PPARGC1A: variants seen among roughly 807,000 people sequenced by gnomAD.
PPARGC1A encodes the protein PPARG coactivator 1 alpha.
Under a neutral mutation model 88.7 loss-of-function variants are expected in PPARGC1A, and 25 were observed. That is an observed-to-expected ratio of 0.28 (90% CI 0.21 to 0.39). The LOEUF (loss-of-function observed/expected upper bound fraction) is 0.39, where lower values mean the gene tolerates loss of function less well. Among genes scored for constraint, PPARGC1A ranks in the 10% least tolerant of loss-of-function variants. The pLI, the probability that PPARGC1A is intolerant of heterozygous loss-of-function variation, is 1.00. For missense variants in PPARGC1A, 880 were observed against 968.7 expected, an observed-to-expected ratio of 0.91 and a Z score of 1.22; for synonymous variants, 363 against 355.6, an observed-to-expected ratio of 1.02 and a Z score of -0.24.
chr4:24,122,545 C>T, the PPARGC1A span, among the ~76,000 whole-genome samples: 1 of 151,892 alleles, frequency 6.6e-6, no homozygotes, highest in Non-Finnish European at 1.5e-5. Context: ...CATCATTCAG[C>T]ACACATTTAA....
At chr4:24,414,774 T>G in the PPARGC1A span, among the ~76,000 whole-genome samples, 1 of 152,214 alleles carries the variant, frequency 6.6e-6, no homozygotes, top group Non-Finnish European at 1.5e-5. Flanking sequence ...GTTTTAAAAC[T>G]GCTTGAAGAG....
chr4:23,988,688 A>G, the PPARGC1A span, among the ~76,000 whole-genome samples: 1 of 151,734 alleles, frequency 6.6e-6, no homozygotes, highest in Non-Finnish European at 1.5e-5. Flanking sequence ...TACAACACAT[A>G]AAAAGTTTTA....
the PPARGC1A span, among the ~76,000 whole-genome samples, chr4:24,188,511 G>C: frequency 6.6e-6 from 1 of 152,044 alleles, no homozygotes; most frequent in Non-Finnish European, 1.5e-5. Context: ...GGATGGTCCT[G>C]GGGGAAATGC....
chr4:24,251,274 C>T, the PPARGC1A span, among the ~76,000 whole-genome samples: 1 of 152,196 alleles, frequency 6.6e-6, no homozygotes, highest in South Asian at 2.1e-4. Flanking sequence ...CTTCTCTGTG[C>T]CTTAGCCTTC....
intron 10 of PPARGC1A, among the ~76,000 whole-genome samples, chr4:23,809,057 T>C (rs1342968551): frequency 1.3e-5 from 2 of 152,190 alleles, no homozygotes; most frequent in Non-Finnish European, 1.5e-5. Flanking sequence ...ATCTTAAATG[T>C]AATTTGCTTC....
At chr4:23,847,916 G>C (rs1455964607) in intron 2 of PPARGC1A, among the ~76,000 whole-genome samples, 1 of 152,182 alleles carries the variant, frequency 6.6e-6, no homozygotes, top group Non-Finnish European at 1.5e-5. Context: ...AAGAACCCCA[G>C]AGTGTGTTTG....
At chr4:24,121,784 T>C in the PPARGC1A span, among the ~76,000 whole-genome samples, 4 of 152,184 alleles carry the variant, frequency 2.6e-5, no homozygotes, top group Admixed American at 2.6e-4. Flanking sequence ...CAAATAAGCT[T>C]TGATGACACT....
At chr4:24,043,524 C>T in the PPARGC1A span, among the ~76,000 whole-genome samples, 1 of 152,162 alleles carries the variant, frequency 6.6e-6, no homozygotes, top group African/African-American at 2.4e-5. Flanking sequence ...CACCCCTTTT[C>T]TCATCTTTTC....
chr4:23,803,044 C>G (rs1209419540), intron 10 of PPARGC1A, among the ~76,000 whole-genome samples: 1 of 152,160 alleles, frequency 6.6e-6, no homozygotes, highest in Non-Finnish European at 1.5e-5. Flanking sequence ...TGTTATGAAA[C>G]TGACCTGGCT....
At chr4:23,927,424 CAAGAA>C in the PPARGC1A span, among the ~76,000 whole-genome samples, 1 of 152,176 alleles carries the variant, frequency 6.6e-6, no homozygotes, top group Non-Finnish European at 1.5e-5. Context: ...TCACATCCAT[CAAGAA>C]AAGGTTTATG....
the PPARGC1A span, among the ~76,000 whole-genome samples, chr4:23,977,968 T>C: frequency 5.3e-5 from 8 of 152,222 alleles, no homozygotes; most frequent in African/African-American, 1.4e-4. Context: ...TAAAAACTAC[T>C]AGAACATTGT....
At chr4:23,955,858 C>A in the PPARGC1A span, among the ~76,000 whole-genome samples, 2 of 152,052 alleles carry the variant, frequency 1.3e-5, no homozygotes. Context: ...AGAACAAGAA[C>A]TGAAGTCTTC....
chr4:24,195,221 G>A, the PPARGC1A span, among the ~76,000 whole-genome samples: 1 of 152,062 alleles, frequency 6.6e-6, no homozygotes, highest in Non-Finnish European at 1.5e-5. Flanking sequence ...GACTCTCTAA[G>A]GCTTAGCTTT....
At chr4:24,085,178 T>TC in the PPARGC1A span, among the ~76,000 whole-genome samples, 1 of 152,162 alleles carries the variant, frequency 6.6e-6, no homozygotes, top group African/African-American at 2.4e-5. Context: ...ATTTTTTTTT[T>TC]CCTACATGAA....
the PPARGC1A span, among the ~76,000 whole-genome samples, chr4:23,929,115 A>G: frequency 6.6e-6 from 1 of 151,434 alleles, no homozygotes; most frequent in Admixed American, 6.6e-5. Context: ...CATCCTGCAC[A>G]TGTACCCTGG....
At chr4:24,063,281 T>C in the PPARGC1A span, among the ~76,000 whole-genome samples, 2 of 152,152 alleles carry the variant, frequency 1.3e-5, no homozygotes, top group South Asian at 4.1e-4. Flanking sequence ...GTCAACTCCC[T>C]CAAGCCTGAC....
chr4:23,848,625 A>G (rs1335234097), intron 2 of PPARGC1A, among the ~76,000 whole-genome samples: 3 of 152,196 alleles, frequency 2.0e-5, no homozygotes, highest in Admixed American at 6.5e-5. Context: ...TTCAGCGTCA[A>G]TTGCTGCTCA....
intron 2 of PPARGC1A, among the ~76,000 whole-genome samples, chr4:23,851,013 A>G (rs1211142370): frequency 6.6e-6 from 1 of 152,166 alleles, no homozygotes; most frequent in Non-Finnish European, 1.5e-5. Flanking sequence ...AAAAAATGTC[A>G]TGTGTTTCAT....
the PPARGC1A span, among the ~76,000 whole-genome samples, chr4:24,355,556 A>C: frequency 3.9e-5 from 6 of 152,188 alleles, no homozygotes; most frequent in Admixed American, 2.6e-4. Context: ...TGTGAAAAAA[A>C]TGAGAAAGAA....
Sources: allele counts gnomAD v4.1 joint callset (sites outside exome capture counted in the v4.1 genomes callset), GRCh38; gene constraint gnomAD v4.1.1; transcripts MANE v1.5; gene names NCBI Gene and HGNC (gene_info 2026-07-23, HGNC 2026-07-21).